Variants in OVCH1 observed in about 807,000 individuals in gnomAD.
OVCH1 encodes the protein ovochymase-1.
A neutral mutation model predicts 138.4 loss-of-function variants in OVCH1; 139 were observed. The observed-to-expected ratio is 1.00, with a 90% CI of 0.87 to 1.16. OVCH1 has a LOEUF of 1.16. OVCH1 is among the 50% of genes most tolerant of loss of function. OVCH1 has a pLI of 0.00. For synonymous variants in OVCH1, 453 were observed against 467.8 expected (o/e 0.97, Z 0.41); for missense variants, 1,367 against 1,357.9 (o/e 1.01, Z -0.11).
intron 8 of OVCH1, among the ~76,000 whole-genome samples, chr12:29,483,712 T>C (rs10492376): frequency 0.03 from 4,600 of 152,232 alleles, 244 homozygotes; most frequent in African/African-American, 0.1. Flanking sequence ...ATTGCTTATA[T>C]CTAATTCCCT....
rs566789387 is a variant in OVCH1, at chr12:29,473,022, A to G, written c.1675+7T>C. On this transcript the variant is annotated splice_region_variant and intron_variant, in intron 15 of 27. Transcript: ENST00000318184. The stretch of plus-strand genomic sequence containing the variant: ...AAACAGATAGTAATAACATGTCACC[A>G]ACTCACCATGCAGAATAGCTTTTAC... 3 of 1,603,512 alleles carry G rather than the reference A, an allele frequency of 1.9e-6. No individual in the cohort carries two copies. The African/African-American group carries it at 4.0e-5, about 21-fold the overall frequency.
intron 8 of OVCH1, among the ~76,000 whole-genome samples, chr12:29,483,554 A>G (rs1943001020): frequency 6.6e-6 from 1 of 152,204 alleles, no homozygotes; most frequent in Non-Finnish European, 1.5e-5. Flanking sequence ...ATCTCTCTGC[A>G]TGGAACTCAA....
downstream of OVCH1, among the ~76,000 whole-genome samples, chr12:29,409,482 T>C (rs577037274): frequency 1.1e-4 from 16 of 152,136 alleles, no homozygotes; most frequent in East Asian, 5.8e-4. Context: ...GCTTTGAATG[T>C]GTCCCAGAGA....
intron 22 of OVCH1, among the ~76,000 whole-genome samples, chr12:29,448,633 A>G (rs1256470061): frequency 6.6e-6 from 1 of 152,106 alleles, no homozygotes; most frequent in Non-Finnish European, 1.5e-5. Context: ...GTTGTAATCA[A>G]AGGGGATGGA....
At chr12:29,494,948 T>TA (rs1417829351) in intron 4 of OVCH1, among the ~76,000 whole-genome samples, 3 of 152,160 alleles carry the variant, frequency 2.0e-5, no homozygotes, top group Admixed American at 2.0e-4. Context: ...GATAAATATT[T>TA]AAGGTAATAG....
chr12:29,436,968 C>T (rs1401052523), intron 26 of OVCH1, among the ~76,000 whole-genome samples: 1 of 152,192 alleles, frequency 6.6e-6, no homozygotes, highest in African/African-American at 2.4e-5. Context: ...ATTCCCTTAT[C>T]TGGCCCCGCC....
intron 6 of OVCH1, among the ~76,000 whole-genome samples, chr12:29,488,414 C>T (rs888092527): frequency 1.3e-5 from 2 of 151,878 alleles, no homozygotes; most frequent in East Asian, 1.9e-4. Flanking sequence ...GTCACGAGTT[C>T]GAGACCAGCC....
chr12:29,403,757 CCTAT>C, the OVCH1 span, among the ~76,000 whole-genome samples: 1 of 152,202 alleles, frequency 6.6e-6, no homozygotes, highest in South Asian at 2.1e-4. Flanking sequence ...AGGGACCTTT[CCTAT>C]CTATTTGTGC....
At chr12:29,496,624 C>G (rs187986863) in exon 2 of OVCH1, 1 of 1,613,836 alleles carries the variant, frequency 6.2e-7, no homozygotes, top group East Asian at 2.2e-5. Flanking sequence ...CTAGATCCCA[C>G]GGCAGGTTCC....
intron 8 of OVCH1, among the ~76,000 whole-genome samples, chr12:29,484,147 A>G (rs1416676257): frequency 1.3e-5 from 2 of 152,226 alleles, no homozygotes; most frequent in African/African-American, 4.8e-5. Flanking sequence ...AAGCTTAAAG[A>G]TATTTTTAGC....
the OVCH1 span, among the ~76,000 whole-genome samples, chr12:29,402,762 G>A: frequency 1.3e-5 from 2 of 151,838 alleles, no homozygotes; most frequent in Admixed American, 1.3e-4. Flanking sequence ...TTGAAAGAGT[G>A]TAAGAAGTCC....
chr12:29,409,160 T>G (rs1398585797), downstream of OVCH1, among the ~76,000 whole-genome samples: 1 of 150,902 alleles, frequency 6.6e-6, no homozygotes, highest in Non-Finnish European at 1.5e-5. Context: ...TGATATCCCC[T>G]TTATCATTTT....
intron 23 of OVCH1, 78 bp downstream of exon 23, chr12:29,445,198 GTA>G: frequency 7.3e-7 from 1 of 1,376,420 alleles, no homozygotes; most frequent in South Asian, 1.4e-5. Flanking sequence ...TCAAAATGTT[GTA>G]TATGTTTGGA....
chr12:29,466,370 G>GA (rs199856349), intron 16 of OVCH1, among the ~76,000 whole-genome samples: 2 of 141,382 alleles, frequency 1.4e-5, no homozygotes, highest in African/African-American at 3.1e-5. Flanking sequence ...ATCTTTGCAA[G>GA]AAAAAAAGAA....
At chr12:29,447,147 G>A (rs527237418) in intron 22 of OVCH1, among the ~76,000 whole-genome samples, 1 of 152,008 alleles carries the variant, frequency 6.6e-6, no homozygotes, top group African/African-American at 2.4e-5. Flanking sequence ...TTTAAAAACT[G>A]GACAAAAGAT....
intron 8 of OVCH1, among the ~76,000 whole-genome samples, 188 bp downstream of exon 9, chr12:29,484,525 T>C (rs1943031803): frequency 1.3e-5 from 2 of 152,148 alleles, no homozygotes; most frequent in African/African-American, 2.4e-5. Context: ...TGTGGTGGCA[T>C]GCCCGTGTAA....
In OVCH1 at chr12:29,457,404, T is replaced by C. The variant is rs932243154; in HGVS notation, c.2281-1999A>G. ...ACAAATGAATTTTTTTTTTTTTTTT[T>C]TTTTTTTTTTTTTTGGTGAGACAGA... On this transcript the variant is annotated intron_variant, in intron 19 of 27. Transcript: ENST00000318184. 2.7e-4 allele frequency among the ~76,000 whole-genome samples: 35 copies of C among 127,872 alleles called. 1 individual carries two copies. Among genetic ancestry groups the C allele is most frequent in the Middle Eastern group, 3.8e-3 (1 of 264 alleles). The allele number at this position is 127,872 out of a possible 152,430, so 83.9% of individuals were successfully genotyped here.
chr12:29,471,835 A>T (rs778070960), exon 16 of OVCH1: 36 of 1,612,502 alleles, frequency 2.2e-5, no homozygotes, highest in Non-Finnish European at 3.0e-5. Flanking sequence ...CAGAATCCAC[A>T]CTGGGTTGAT....
chr12:29,440,598 GC>G (rs1432751590), intron 25 of OVCH1: 2 of 373,616 alleles, frequency 5.4e-6, no homozygotes, highest in Non-Finnish European at 1.0e-5. Flanking sequence ...ATGAGGCAGT[GC>G]ATGGTAACAG....
Sources: allele counts gnomAD v4.1 joint callset (sites outside exome capture counted in the v4.1 genomes callset), GRCh38; gene constraint gnomAD v4.1.1; transcripts MANE v1.5; gene names NCBI Gene and HGNC (gene_info 2026-07-23, HGNC 2026-07-21).